PDE11A: variants seen among roughly 807,000 people sequenced by gnomAD.
The protein encoded by PDE11A is dual 3',5'-cyclic-AMP and -GMP phosphodiesterase 11A.
A neutral mutation model predicts 100.5 loss-of-function variants in PDE11A; 100 were observed. The ratio of observed to expected loss-of-function variants is 1.00; its 90% CI spans 0.85 to 1.18. PDE11A has a LOEUF of 1.18. Ranked by LOEUF, PDE11A falls within the 50% of genes most tolerant of loss-of-function variation. The pLI, the probability that PDE11A is intolerant of heterozygous loss-of-function variation, is 0.00. For synonymous variants in PDE11A, 381 were observed against 420.8 expected (o/e 0.91, Z 1.16); for missense variants, 1,141 against 1,152.6 (o/e 0.99, Z 0.15).
chr2:178,054,972 A>G (rs946685021), intron 1 of PDE11A, among the ~76,000 whole-genome samples: 6 of 152,210 alleles, frequency 3.9e-5, no homozygotes, highest in Non-Finnish European at 8.8e-5. Context: ...TAGAAATACC[A>G]TTTGACCCAA....
intron 2 of PDE11A, among the ~76,000 whole-genome samples, chr2:177,913,725 CTTCA>C (rs532028372): frequency 6.6e-6 from 1 of 152,076 alleles, no homozygotes; most frequent in Non-Finnish European, 1.5e-5. Context: ...AGAGAACTTA[CTTCA>C]TTCATCTTAA....
At chr2:177,967,801 T>C (rs1484138437) in intron 2 of PDE11A, among the ~76,000 whole-genome samples, 1 of 152,218 alleles carries the variant, frequency 6.6e-6, no homozygotes, top group Non-Finnish European at 1.5e-5. Flanking sequence ...AAGCGGTTTA[T>C]CTGCATTTAT....
intron 1 of PDE11A, among the ~76,000 whole-genome samples, chr2:178,060,208 C>T (rs1413811138): frequency 6.6e-6 from 1 of 152,108 alleles, no homozygotes; most frequent in Non-Finnish European, 1.5e-5. Flanking sequence ...TGCTGAGCCT[C>T]AGAAGAGTGA....
chr2:177,680,282 G>A (rs1250030833), intron 16 of PDE11A, among the ~76,000 whole-genome samples: 1 of 152,094 alleles, frequency 6.6e-6, no homozygotes, highest in Non-Finnish European at 1.5e-5. Flanking sequence ...CCCACTCTCT[G>A]GAGTGGCTGC....
intron 19 of PDE11A, among the ~76,000 whole-genome samples, chr2:177,631,539 A>ATATATATATATATC (rs1559117334): frequency 1.5e-4 from 4 of 27,332 alleles, no homozygotes; most frequent in African/African-American, 5.8e-4. Context: ...ATATATATAT[A>ATATATATATATATC]TATATATACA....
chr2:177,777,742 T>C (rs995153562), intron 9 of PDE11A, among the ~76,000 whole-genome samples: 6 of 152,220 alleles, frequency 3.9e-5, no homozygotes, highest in African/African-American at 1.2e-4. Context: ...AAACAGGTTA[T>C]GAGAGTATTA....
At chr2:177,715,247 A>G (rs766123424) in intron 12 of PDE11A, among the ~76,000 whole-genome samples, 58 of 152,330 alleles carry the variant, frequency 3.8e-4, no homozygotes, top group Non-Finnish European at 5.3e-4. Flanking sequence ...TCTAGCTTCC[A>G]AAGTTGCTTT....
intron 9 of PDE11A, 60 bp from the exon 10 acceptor site, chr2:177,769,433 T>C (rs1217249522): frequency 1.0e-6 from 1 of 976,754 alleles, no homozygotes; most frequent in African/African-American, 1.6e-5. Flanking sequence ...TTTCTGAAAT[T>C]CTCCTGGCTT....
upstream of PDE11A, among the ~76,000 whole-genome samples, chr2:178,073,906 A>AG (rs1053518484): frequency 6.6e-6 from 1 of 150,962 alleles, no homozygotes; most frequent in African/African-American, 2.4e-5. Flanking sequence ...GTTATGTGTC[A>AG]GGGTTTTTTT....
chr2:178,038,578 G>T (rs2086645178), intron 1 of PDE11A, among the ~76,000 whole-genome samples: 1 of 152,104 alleles, frequency 6.6e-6, no homozygotes, highest in African/African-American at 2.4e-5. Flanking sequence ...ATGGGCCAAT[G>T]ACATGGACCA....
At chr2:178,046,107 T>C (rs937674572) in intron 1 of PDE11A, among the ~76,000 whole-genome samples, 1 of 152,220 alleles carries the variant, frequency 6.6e-6, no homozygotes, top group Non-Finnish European at 1.5e-5. Flanking sequence ...GGTGTCTATC[T>C]CATAGAACCT....
At chr2:178,046,975 T>C (rs962729191) in intron 1 of PDE11A, among the ~76,000 whole-genome samples, 4 of 152,168 alleles carry the variant, frequency 2.6e-5, no homozygotes, top group African/African-American at 9.7e-5. Context: ...GTCTAGGGCC[T>C]ATCTCATTCC....
intron 2 of PDE11A, among the ~76,000 whole-genome samples, chr2:178,083,336 T>C (rs372468140): frequency 1.1e-4 from 16 of 152,262 alleles, no homozygotes; most frequent in African/African-American, 3.1e-4. Context: ...TGACCTCAAG[T>C]GATCCACCCA....
chr2:177,910,846 G>C (rs2084870059), intron 2 of PDE11A, among the ~76,000 whole-genome samples: 1 of 152,174 alleles, frequency 6.6e-6, no homozygotes, highest in African/African-American at 2.4e-5. Flanking sequence ...GCAAGCCACA[G>C]AGAAAGGCTA....
At position 177,785,140 on chromosome 2, in the gene PDE11A, C is replaced by T. The variant is rs11885795; in HGVS notation, c.1738-15767G>A. Among the ~76,000 whole-genome samples the T allele has an allele frequency of 6.5e-3, 988 of 152,240 alleles. 13 individuals are homozygous for T. The highest frequency in any genetic ancestry group is 0.022 in the African/African-American group (928 of 41,534). On this transcript the variant is annotated intron_variant, in intron 9 of 19. Coordinates refer to ENST00000286063, the MANE Select transcript of PDE11A (RefSeq NM_016953.4). ...GGCTCACTAGACCTGTAACCTTGGCCTAATTATATAACCTATGTCTCAGTT... is the reference window on the plus strand; with the variant it reads ...GGCTCACTAGACCTGTAACCTTGGCTTAATTATATAACCTATGTCTCAGTT...
intron 2 of PDE11A, among the ~76,000 whole-genome samples, chr2:177,940,783 GA>G (rs1332735789): frequency 1.3e-5 from 2 of 152,156 alleles, no homozygotes; most frequent in East Asian, 3.8e-4. Context: ...CCCTGCACTT[GA>G]ATATATACCG....
At chr2:177,937,791 A>G (rs908100980) in intron 2 of PDE11A, among the ~76,000 whole-genome samples, 6 of 152,184 alleles carry the variant, frequency 3.9e-5, no homozygotes, top group African/African-American at 1.4e-4. Context: ...CAGGATGCAG[A>G]TTCATCTGTC....
intron 4 of PDE11A, among the ~76,000 whole-genome samples, chr2:177,893,261 A>G (rs1364324556): frequency 6.6e-6 from 1 of 152,162 alleles, no homozygotes; most frequent in African/African-American, 2.4e-5. Context: ...TTCCAGAATA[A>G]CCCTGCTATA....
At chr2:177,939,410 GGGAAGGAAGAA>G (rs2085317193) in intron 2 of PDE11A, among the ~76,000 whole-genome samples, 1 of 141,768 alleles carries the variant, frequency 7.1e-6, no homozygotes, top group Non-Finnish European at 1.5e-5. Context: ...GAGGGAAGGA[GGGAAGGAAGAA>G]GGAAGGGAGG....
Sources: allele counts gnomAD v4.1 joint callset (sites outside exome capture counted in the v4.1 genomes callset), GRCh38; gene constraint gnomAD v4.1.1; transcripts MANE v1.5; gene names NCBI Gene and HGNC (gene_info 2026-07-23, HGNC 2026-07-21).